NAV3: variants seen among roughly 807,000 people sequenced by gnomAD.
The protein encoded by NAV3 is neuron navigator 3.
NAV3 carries 87 observed loss-of-function variants against 244.7 expected under a neutral mutation model. The ratio of observed to expected loss-of-function variants is 0.36; its 90% CI spans 0.30 to 0.42. The LOEUF (loss-of-function observed/expected upper bound fraction) is 0.42, where lower values mean the gene tolerates loss of function less well. Ranked by LOEUF, NAV3 falls within the 20% of genes least tolerant of loss-of-function variation. The pLI is 1.00. For synonymous variants in NAV3, 1,126 were observed against 1,042.2 expected (o/e 1.08, Z -1.55); for missense variants, 2,663 against 2,893.3 (o/e 0.92, Z 1.83).
rs1390942745 is a variant in NAV3, at chr12:78,095,086, CACATATATATAT to C, written c.2637-21682_2637-21671del. On this transcript the variant is annotated intron_variant, in intron 12 of 39. Coordinates refer to ENST00000397909, the MANE Select transcript of NAV3 (RefSeq NM_001024383.2). The stretch of plus-strand genomic sequence containing the variant: ...ATATACACACACACACACACACACA[CACATATATATAT>C]ACACATATATATATACACATACATA... Among the ~76,000 whole-genome samples the C allele has an allele frequency of 7.1e-5, 9 of 126,072 alleles. No individual in the cohort carries two copies. The South Asian group carries it at 1.2e-3, about 17-fold the overall frequency. 82.7% of individuals were successfully genotyped at this position (126,072 alleles called of 152,430 possible). A position where few individuals can be genotyped will look rare whatever the true frequency, so the allele number is the denominator to read the frequency against.
At chr12:77,779,842 A>G (rs1870575166) in intron 2 of NAV3, among the ~76,000 whole-genome samples, 1 of 152,134 alleles carries the variant, frequency 6.6e-6, no homozygotes, top group African/African-American at 2.4e-5. Flanking sequence ...ATTTGATATG[A>G]AAGGGGCAGC....
At chr12:77,640,169 G>A (rs867712979) in intron 2 of NAV3, among the ~76,000 whole-genome samples, 7 of 152,236 alleles carry the variant, frequency 4.6e-5, no homozygotes, top group Middle Eastern at 6.8e-3. Context: ...AAAAGTAGAA[G>A]ATTGTAATTG....
At chr12:77,923,484 A>C (rs548076388) in intron 1 of NAV3, among the ~76,000 whole-genome samples, 17 of 152,270 alleles carry the variant, frequency 1.1e-4, no homozygotes, top group African/African-American at 3.9e-4. Flanking sequence ...ATAATGTCAT[A>C]AATGATGGTT....
chr12:77,765,379 A>G (rs1372047758), intron 2 of NAV3, among the ~76,000 whole-genome samples: 1 of 152,182 alleles, frequency 6.6e-6, no homozygotes, highest in Non-Finnish European at 1.5e-5. Flanking sequence ...TACATATGCT[A>G]TGGAGATGAA....
In NAV3 at chr12:77,831,256, C is replaced by A. The variant is rs1437941145; in HGVS notation, c.-206C>A. On this transcript the variant is annotated 5_prime_UTR_variant, in exon 1 of 40. Coordinates refer to ENST00000397909, the MANE Select transcript of NAV3 (RefSeq NM_001024383.2). ...GAGAGAATGAGAATGAATATGAATC[C>A]CAGCCAGCAAGAAAGAAAAGATACT... is the stretch of plus-strand genomic sequence containing the variant. 1.3e-4 allele frequency: 53 copies of A among 401,858 alleles called. No individual in the cohort carries two copies. The highest frequency in any genetic ancestry group is 1.7e-4 in the Non-Finnish European group (38 of 225,384). 24.9% of individuals were successfully genotyped at this position (401,858 alleles called of 1,614,324 possible).
At chr12:78,159,178 T>C in intron 22 of NAV3, 25 bp from the exon 23 acceptor site, 8 of 1,596,772 alleles carry the variant, frequency 5.0e-6, no homozygotes, top group Non-Finnish European at 6.8e-6. Context: ...ACATTTAAAC[T>C]ATGTTTCTTC....
At chr12:78,003,168 T>TTTTTTTTTTTTTTTTTTTTTTTTG (rs1873607444) in intron 7 of NAV3, among the ~76,000 whole-genome samples, 1 of 149,704 alleles carries the variant, frequency 6.7e-6, no homozygotes, top group African/African-American at 2.4e-5. Context: ...AGCAATTATT[T>TTTTTTTTTTTTTTTTTTTTTTTTG]ATGCAAAGCA....
At chr12:78,158,421 T>A (rs895828421) in intron 22 of NAV3, among the ~76,000 whole-genome samples, 2 of 152,164 alleles carry the variant, frequency 1.3e-5, no homozygotes, top group African/African-American at 4.8e-5. Context: ...AACTGGCCTA[T>A]TTTTGAGCTT....
chr12:77,659,636 T>G (rs1001536709), intron 2 of NAV3, among the ~76,000 whole-genome samples: 8 of 152,190 alleles, frequency 5.3e-5, no homozygotes, highest in Non-Finnish European at 1.2e-4. Flanking sequence ...CTATAAATCA[T>G]ACTGCTATAA....
intron 2 of NAV3, among the ~76,000 whole-genome samples, chr12:77,664,225 A>G (rs183726011): frequency 1.1e-4 from 16 of 152,366 alleles, no homozygotes; most frequent in African/African-American, 3.8e-4. Flanking sequence ...TATTTTAGCA[A>G]TACAATAAGA....
At chr12:77,646,360 T>G (rs1056392451) in intron 2 of NAV3, among the ~76,000 whole-genome samples, 1 of 152,170 alleles carries the variant, frequency 6.6e-6, no homozygotes, top group Admixed American at 6.5e-5. Flanking sequence ...CCAGCCTTCC[T>G]GCTGTGAGAC....
chr12:78,098,960 T>TG (rs1239606304), intron 12 of NAV3, among the ~76,000 whole-genome samples: 1 of 151,196 alleles, frequency 6.6e-6, no homozygotes, highest in Non-Finnish European at 1.5e-5. Context: ...CCAGGGTTTT[T>TG]TTTTTTTTTA....
At chr12:77,961,636 T>A (rs1326158994) in intron 3 of NAV3, among the ~76,000 whole-genome samples, 1 of 141,278 alleles carries the variant, frequency 7.1e-6, no homozygotes, top group African/African-American at 2.6e-5. Context: ...TAATATATAT[T>A]ATGCAATATA....
intron 9 of NAV3, among the ~76,000 whole-genome samples, chr12:78,046,526 T>C (rs1881820646): frequency 6.6e-6 from 1 of 152,224 alleles, no homozygotes; most frequent in Non-Finnish European, 1.5e-5. Context: ...TCAGTTTCTA[T>C]GTAGTTGTGA....
At chr12:77,847,556 G>A (rs1432590021) in intron 1 of NAV3, among the ~76,000 whole-genome samples, 1 of 152,198 alleles carries the variant, frequency 6.6e-6, no homozygotes, top group Non-Finnish European at 1.5e-5. Context: ...CTTCTAGGAA[G>A]AATAAATGGA....
chr12:77,768,692 T>G (rs1520737), intron 2 of NAV3, among the ~76,000 whole-genome samples: 143,638 of 152,284 alleles, frequency 0.94, 68,346 homozygotes, highest in East Asian at 1. Context: ...AGGAGTACAG[T>G]TGCCTAGATC....
intron 1 of NAV3, among the ~76,000 whole-genome samples, chr12:77,833,352 G>C (rs980503387): frequency 1.1e-4 from 17 of 152,100 alleles, no homozygotes; most frequent in Admixed American, 1.1e-3. Flanking sequence ...TGAATAAATA[G>C]TTATTCCGAG....
In NAV3 at chr12:77,915,474, T is replaced by G. The variant is rs554413451; in HGVS notation, c.244-24845T>G. On this transcript the variant is annotated intron_variant, in intron 1 of 39. Coordinates refer to ENST00000397909, the MANE Select transcript of NAV3 (RefSeq NM_001024383.2). Reference sequence around the variant, plus strand: ...AGATTATCAATTATTGTTGAACGTTTGACAAAAACAGGCAAGCCAGGGATT... The same window carrying G: ...AGATTATCAATTATTGTTGAACGTTGGACAAAAACAGGCAAGCCAGGGATT... Among the ~76,000 whole-genome samples the G allele has an allele frequency of 2.0e-5, 3 of 152,038 alleles. No homozygotes were observed. In the East Asian group the frequency reaches 5.8e-4, roughly 29 times the overall value.
intron 1 of NAV3, among the ~76,000 whole-genome samples, chr12:77,876,095 A>C (rs928191678): frequency 1.3e-5 from 2 of 152,096 alleles, no homozygotes; most frequent in African/African-American, 4.8e-5. Flanking sequence ...TGCTTCTCTC[A>C]GTATTTTATA....
Sources: gnomAD v4.1 joint callset for allele counts (sites outside exome capture counted in the v4.1 genomes callset) on GRCh38, gnomAD v4.1.1 for gene constraint, MANE v1.5 for transcripts, NCBI Gene and HGNC (gene_info 2026-07-23, HGNC 2026-07-21) for gene names.